ZNF804A: variants seen among roughly 807,000 people sequenced by gnomAD.
The protein encoded by ZNF804A is zinc finger protein 804A.
A neutral mutation model predicts 16.5 loss-of-function variants in ZNF804A; 2 were observed. The observed-to-expected ratio is 0.12, with a 90% CI of 0.05 to 0.38. ZNF804A has a LOEUF of 0.38. ZNF804A is among the 10% of genes least tolerant of loss of function. The pLI, the probability that ZNF804A is intolerant of heterozygous loss-of-function variation, is 0.99. For synonymous variants in ZNF804A, 534 were observed against 489.6 expected (o/e 1.09, Z -1.20); for missense variants, 1,473 against 1,390.7 (o/e 1.06, Z -0.94).
intron 2 of ZNF804A, among the ~76,000 whole-genome samples, chr2:184,914,863 T>A (rs1427669048): frequency 2.0e-5 from 3 of 151,848 alleles, no homozygotes; most frequent in African/African-American, 7.2e-5. Flanking sequence ...CATATAGATT[T>A]CATGGTTTTA....
At chr2:184,801,220 T>A (rs1438942418) in intron 1 of ZNF804A, among the ~76,000 whole-genome samples, 1 of 152,164 alleles carries the variant, frequency 6.6e-6, no homozygotes, top group Admixed American at 6.5e-5. Flanking sequence ...ATCTTTTGAC[T>A]TTTTTGTGTT....
intron 2 of ZNF804A, among the ~76,000 whole-genome samples, chr2:184,930,790 TG>T (rs1215790617): frequency 8.5e-5 from 13 of 152,366 alleles, no homozygotes; most frequent in African/African-American, 3.1e-4. Context: ...TCTAAGTTCC[TG>T]GTACACATAA....
At chr2:184,677,762 G>A (rs1574158381) in intron 1 of ZNF804A, among the ~76,000 whole-genome samples, 1 of 152,092 alleles carries the variant, frequency 6.6e-6, no homozygotes, top group South Asian at 2.1e-4. Context: ...ATTGCAGTGG[G>A]AGAAATGCCT....
intron 2 of ZNF804A, among the ~76,000 whole-genome samples, chr2:184,870,346 A>AGGAG (rs1419940470): frequency 1.3e-5 from 2 of 152,100 alleles, no homozygotes; most frequent in African/African-American, 4.8e-5. Context: ...GGGATACCAT[A>AGGAG]GGAGACGTAA....
At chr2:184,795,883 T>A (rs1022309437) in intron 1 of ZNF804A, among the ~76,000 whole-genome samples, 3 of 152,122 alleles carry the variant, frequency 2.0e-5, no homozygotes, top group African/African-American at 7.2e-5. Flanking sequence ...AATAATTAGA[T>A]GCCCTGAACA....
At chr2:184,793,606 G>A (rs1330746100) in intron 1 of ZNF804A, among the ~76,000 whole-genome samples, 1 of 152,046 alleles carries the variant, frequency 6.6e-6, no homozygotes, top group Non-Finnish European at 1.5e-5. Flanking sequence ...TGGGGAACAA[G>A]TGGTGTTTGG....
intron 1 of ZNF804A, among the ~76,000 whole-genome samples, chr2:184,701,577 C>A (rs1307834204): frequency 6.6e-6 from 1 of 151,732 alleles, no homozygotes; most frequent in African/African-American, 2.4e-5. Context: ...GCCTTAGGAA[C>A]ATTTTATCTA....
intron 1 of ZNF804A, among the ~76,000 whole-genome samples, chr2:184,672,747 CTTTTCT>C (rs138512657): frequency 0.1 from 15,581 of 149,154 alleles, 1,059 homozygotes; most frequent in East Asian, 0.24. Flanking sequence ...CTTTTTTTTT[CTTTTCT>C]TTTTCTTTTT....
At position 184,693,857 on chromosome 2, in the gene ZNF804A, A is replaced by G. The variant is rs942634295; in HGVS notation, c.111+94787A>G. ...CATAAAAATAGCCAAATAAAATTTAAAAAACCTAATCTCATGAATACTCAA... is the reference window on the plus strand; with the variant it reads ...CATAAAAATAGCCAAATAAAATTTAGAAAACCTAATCTCATGAATACTCAA... On this transcript the variant is annotated intron_variant, in intron 1 of 3. Transcript: ENST00000302277. Among the ~76,000 whole-genome samples, 22 of 152,160 alleles carry G rather than the reference A, an allele frequency of 1.4e-4. 1 individual carries two copies. The highest frequency in any genetic ancestry group is 4.1e-4 in the African/African-American group (17 of 41,536).
chr2:184,683,052 T>C (rs1056448216), intron 1 of ZNF804A, among the ~76,000 whole-genome samples: 2 of 151,786 alleles, frequency 1.3e-5, no homozygotes, highest in African/African-American at 2.4e-5. Context: ...TAAAATAAAA[T>C]AAAAACATCA....
At chr2:184,685,310 A>G (rs1309225809) in intron 1 of ZNF804A, among the ~76,000 whole-genome samples, 2 of 152,074 alleles carry the variant, frequency 1.3e-5, no homozygotes, top group African/African-American at 4.8e-5. Context: ...GCAGAGCCCC[A>G]AAGAGAGTGT....
At chr2:184,859,000 G>A (rs774460552) in intron 1 of ZNF804A, among the ~76,000 whole-genome samples, 4 of 152,120 alleles carry the variant, frequency 2.6e-5, no homozygotes, top group Non-Finnish European at 4.4e-5. Context: ...TGGCCTGTAA[G>A]TGCTCTGCTG....
intron 1 of ZNF804A, among the ~76,000 whole-genome samples, chr2:184,599,327 C>T (rs928835727): frequency 6.6e-6 from 1 of 152,052 alleles, no homozygotes; most frequent in Non-Finnish European, 1.5e-5. Flanking sequence ...CACAGTCTCT[C>T]CTTATTTGAA....
intron 1 of ZNF804A, among the ~76,000 whole-genome samples, chr2:184,647,991 C>T (rs2105698380): frequency 6.6e-6 from 1 of 152,172 alleles, no homozygotes. Flanking sequence ...AGATAAAAAG[C>T]TCAAATAATG....
chr2:184,731,558 T>G (rs1467767702), intron 1 of ZNF804A, among the ~76,000 whole-genome samples: 1 of 150,218 alleles, frequency 6.7e-6, no homozygotes, highest in African/African-American at 2.5e-5. Flanking sequence ...GTTAAGGTCT[T>G]TAACGCTTTT....
chr2:184,812,337 C>T (rs1458937459), intron 1 of ZNF804A, among the ~76,000 whole-genome samples: 1 of 152,096 alleles, frequency 6.6e-6, no homozygotes, highest in Non-Finnish European at 1.5e-5. Flanking sequence ...TAGAGGGAAA[C>T]CTTTGAGTAA....
intron 1 of ZNF804A, among the ~76,000 whole-genome samples, chr2:184,667,801 A>T (rs914719888): frequency 6.6e-6 from 1 of 151,892 alleles, no homozygotes; most frequent in African/African-American, 2.4e-5. Flanking sequence ...TGAGAATTAA[A>T]ATAAATCTTT....
chr2:184,694,698 C>G (rs966149417), intron 1 of ZNF804A, among the ~76,000 whole-genome samples: 7 of 152,104 alleles, frequency 4.6e-5, no homozygotes, highest in African/African-American at 1.2e-4. Context: ...TTCAGATAAA[C>G]AGTAAACATG....
chr2:184,661,945 A>G (rs1172804719), intron 1 of ZNF804A, among the ~76,000 whole-genome samples: 1 of 152,242 alleles, frequency 6.6e-6, no homozygotes, highest in Non-Finnish European at 1.5e-5. Flanking sequence ...TTGAAAAATA[A>G]GCCTGCTGGA....
Sources: allele counts gnomAD v4.1 joint callset (sites outside exome capture counted in the v4.1 genomes callset), GRCh38; gene constraint gnomAD v4.1.1; transcripts MANE v1.5; gene names NCBI Gene and HGNC (gene_info 2026-07-23, HGNC 2026-07-21).